Variants in TBL1XR1 observed in about 807,000 individuals in gnomAD.
TBL1XR1 encodes the protein F-box-like/WD repeat-containing protein TBL1XR1.
In TBL1XR1, 5 loss-of-function variants were observed where a neutral mutation model predicts 66.9. The ratio of observed to expected loss-of-function variants is 0.07; its 90% CI spans 0.04 to 0.16. The LOEUF (loss-of-function observed/expected upper bound fraction) is 0.16, where lower values mean the gene tolerates loss of function less well. Among genes scored for constraint, TBL1XR1 ranks in the 10% least tolerant of loss-of-function variants. The pLI, the probability that TBL1XR1 is intolerant of heterozygous loss-of-function variation, is 1.00. For missense variants in TBL1XR1, 238 were observed against 623.2 expected, an observed-to-expected ratio of 0.38 and a Z score of 6.58; for synonymous variants, 210 against 206.0, an observed-to-expected ratio of 1.02 and a Z score of -0.17.
intron 2 of TBL1XR1, among the ~76,000 whole-genome samples, chr3:177,082,190 T>A (rs1228446951): frequency 6.6e-6 from 1 of 152,168 alleles, no homozygotes; most frequent in Non-Finnish European, 1.5e-5. Flanking sequence ...GAGAAAGTTA[T>A]AATATATACA....
At chr3:177,105,584 A>G (rs1373950244) in intron 1 of TBL1XR1, among the ~76,000 whole-genome samples, 1 of 152,224 alleles carries the variant, frequency 6.6e-6, no homozygotes, top group African/African-American at 2.4e-5. Context: ...TACAACACAC[A>G]AATCATTCAG....
At chr3:177,168,967 G>A (rs1038957989) in intron 1 of TBL1XR1, among the ~76,000 whole-genome samples, 5 of 152,148 alleles carry the variant, frequency 3.3e-5, no homozygotes, top group Non-Finnish European at 5.9e-5. Context: ...CCTCTAGTCA[G>A]TCATCTTAGA....
intron 1 of TBL1XR1, among the ~76,000 whole-genome samples, chr3:177,106,834 T>C (rs531599607): frequency 1.4e-4 from 22 of 152,198 alleles, no homozygotes; most frequent in Non-Finnish European, 2.8e-4. Flanking sequence ...CCCATTCAGA[T>C]TCTGCCGTCC....
intron 1 of TBL1XR1, among the ~76,000 whole-genome samples, chr3:177,190,946 T>A (rs774731952): frequency 6.6e-6 from 1 of 152,086 alleles, no homozygotes; most frequent in African/African-American, 2.4e-5. Flanking sequence ...CTTCATTAAG[T>A]GCAATGGAAT....
chr3:177,178,302 A>G (rs1464438357), intron 1 of TBL1XR1, among the ~76,000 whole-genome samples: 1 of 152,210 alleles, frequency 6.6e-6, no homozygotes, highest in East Asian at 1.9e-4. Context: ...GAAGAAAATG[A>G]CATTTACTGG....
Position 177,086,559 on chromosome 3 carries a change from G to A in TBL1XR1, c.-46+11907C>T, listed in dbSNP as rs901266003. On this transcript the variant is annotated intron_variant, in intron 2 of 15. Coordinates refer to ENST00000457928, the MANE Select transcript of TBL1XR1 (RefSeq NM_024665.7). ...TTACATGACATGGGGTTGGAGCAAC[G>A]GAAGTCTCTTTTCTGAAATAAATTT... Among the ~76,000 whole-genome samples, 5 of 152,022 alleles carry A rather than the reference G, an allele frequency of 3.3e-5. No homozygotes were observed. In the East Asian group the frequency reaches 7.7e-4, roughly 23 times the overall value.
intron 1 of TBL1XR1, among the ~76,000 whole-genome samples, chr3:177,132,297 T>C (rs1291738640): frequency 6.6e-6 from 1 of 152,312 alleles, no homozygotes; most frequent in East Asian, 1.9e-4. Flanking sequence ...TCAGTGATCC[T>C]GATCCAAGAA....
chr3:177,030,343 AAAT>A (rs758221230), intron 14 of TBL1XR1, among the ~76,000 whole-genome samples: 1 of 151,930 alleles, frequency 6.6e-6, no homozygotes, highest in Non-Finnish European at 1.5e-5. Context: ...GGAATAGTCT[AAAT>A]AAATAATCAT....
intron 1 of TBL1XR1, among the ~76,000 whole-genome samples, chr3:177,163,773 G>A (rs1251091396): frequency 6.6e-6 from 1 of 152,068 alleles, no homozygotes; most frequent in Non-Finnish European, 1.5e-5. Context: ...TATGAATTTT[G>A]AACAACGTGA....
chr3:177,060,152 T>G (rs1171365578), intron 3 of TBL1XR1, among the ~76,000 whole-genome samples: 4 of 151,994 alleles, frequency 2.6e-5, no homozygotes, highest in Admixed American at 2.0e-4. Context: ...TGTGGGTCTT[T>G]ACTTTGTGAT....
chr3:177,125,517 T>G (rs1210532269), intron 1 of TBL1XR1, among the ~76,000 whole-genome samples: 4 of 152,164 alleles, frequency 2.6e-5, no homozygotes, highest in Admixed American at 6.6e-5. Flanking sequence ...TAATTAGAAA[T>G]AATGAATTAA....
At chr3:177,114,120 T>C (rs1214140122) in intron 1 of TBL1XR1, among the ~76,000 whole-genome samples, 2 of 152,044 alleles carry the variant, frequency 1.3e-5, no homozygotes, top group African/African-American at 2.4e-5. Flanking sequence ...GTAGAGTAGA[T>C]GTTATGTGCT....
At chr3:177,071,656 C>T (rs775115620) in intron 2 of TBL1XR1, among the ~76,000 whole-genome samples, 15 of 152,144 alleles carry the variant, frequency 9.9e-5, no homozygotes, top group Non-Finnish European at 1.9e-4. Flanking sequence ...AATAAATGCT[C>T]GCTCAAATCG....
chr3:177,140,190 A>C (rs998753744), intron 1 of TBL1XR1, among the ~76,000 whole-genome samples: 1 of 152,142 alleles, frequency 6.6e-6, no homozygotes, highest in Non-Finnish European at 1.5e-5. Context: ...AGTCCCAGGC[A>C]CTCGGGAGGC....
intron 3 of TBL1XR1, among the ~76,000 whole-genome samples, chr3:177,060,591 G>C (rs947185070): frequency 7.2e-5 from 11 of 152,110 alleles, no homozygotes; most frequent in Non-Finnish European, 1.3e-4. Context: ...ATAGAAAACA[G>C]GTTGTCTTAT....
intron 1 of TBL1XR1, among the ~76,000 whole-genome samples, chr3:177,151,829 A>T (rs550059979): frequency 6.6e-6 from 1 of 152,254 alleles, no homozygotes; most frequent in East Asian, 1.9e-4. Context: ...TTTGAGACCA[A>T]CCTGGCCACC....
intron 14 of TBL1XR1, among the ~76,000 whole-genome samples, chr3:177,030,103 T>G (rs1477454527): frequency 6.7e-6 from 1 of 149,920 alleles, no homozygotes; most frequent in East Asian, 2.0e-4. Flanking sequence ...GGTGTGTGTG[T>G]GTATGTGTGT....
intron 1 of TBL1XR1, among the ~76,000 whole-genome samples, chr3:177,143,305 T>C (rs1237662010): frequency 2.0e-5 from 3 of 151,932 alleles, no homozygotes; most frequent in Admixed American, 6.6e-5. Context: ...ATGCTCAGTA[T>C]TTGCTAAGTC....
intron 1 of TBL1XR1, among the ~76,000 whole-genome samples, chr3:177,188,674 C>T (rs1735742021): frequency 6.6e-6 from 1 of 152,204 alleles, no homozygotes; most frequent in African/African-American, 2.4e-5. Flanking sequence ...GCAAACTTCA[C>T]AGTTTAAATG....
Sources: gnomAD v4.1 joint callset for allele counts (sites outside exome capture counted in the v4.1 genomes callset) on GRCh38, gnomAD v4.1.1 for gene constraint, MANE v1.5 for transcripts, NCBI Gene and HGNC (gene_info 2026-07-23, HGNC 2026-07-21) for gene names.